Variants in BTN3A2 observed in about 807,000 individuals in gnomAD.
The protein encoded by BTN3A2 is butyrophilin protein.
In BTN3A2, 25 loss-of-function variants were observed where a neutral mutation model predicts 37.6. That is an observed-to-expected ratio of 0.66 (90% confidence interval 0.48 to 0.93). The LOEUF is 0.93. BTN3A2 is among the 40% of genes least tolerant of loss of function. The pLI, the probability that BTN3A2 is intolerant of heterozygous loss-of-function variation, is 0.00. For synonymous variants in BTN3A2, 122 were observed against 159.4 expected, an observed-to-expected ratio of 0.77 and a Z score of 1.77; for missense variants, 266 against 410.9, an observed-to-expected ratio of 0.65 and a Z score of 3.05.
intron 8 of BTN3A2, 168 bp from the exon 9 acceptor site, chr6:26,374,158 GA>G: frequency 2.0e-6 from 1 of 504,430 alleles, no homozygotes; most frequent in Non-Finnish European, 3.3e-6. Flanking sequence ...GGTGAAGAAA[GA>G]ATTGTACCTG....
intron 8 of BTN3A2, 86 bp from the exon 9 acceptor site, chr6:26,374,231 AAAAAAAAAAG>A: frequency 2.0e-6 from 1 of 495,458 alleles, no homozygotes; most frequent in East Asian, 3.8e-5. Flanking sequence ...AAAAAAAAAA[AAAAAAAAAAG>A]ACTAGATGGA....
At position 26,374,468 on chromosome 6, in the gene BTN3A2, A is replaced by G. The variant is rs1344336509; in HGVS notation, c.*6+95A>G. On this transcript the variant is annotated intron_variant, in intron 9 of 10. Transcript: ENST00000377708. ...GCTGGATTAATTAGATCTAATCTAA[A>G]GACTCAATTTCTGTGTGGTGGGGGT... 6.6e-6 allele frequency: 9 copies of G among 1,358,582 alleles called. No individual in the cohort carries two copies. In the African/African-American group the frequency reaches 1.1e-4, roughly 17 times the overall value. The allele number at this position is 1,358,582 out of a possible 1,614,324, so 84.2% of individuals were successfully genotyped here. A position where few individuals can be genotyped will look rare whatever the true frequency, so the allele number is the denominator to read the frequency against.
At chr6:26,375,616 A>G (rs532887522) in intron 10 of BTN3A2, 181 bp from the exon 11 acceptor site, 13 of 1,497,300 alleles carry the variant, frequency 8.7e-6, no homozygotes, top group Non-Finnish European at 1.2e-5. Context: ...AGGGTGGAGA[A>G]AGCTGAAGGC....
chr6:26,366,474 T>C (rs1762072110), intron 1 of BTN3A2, among the ~76,000 whole-genome samples: 1 of 152,246 alleles, frequency 6.6e-6, no homozygotes, highest in Admixed American at 6.5e-5. Flanking sequence ...TATTCCTTTA[T>C]ATTTTTTTCT....
intron 5 of BTN3A2, 86 bp from the exon 6 acceptor site, chr6:26,372,811 G>C: frequency 6.5e-7 from 1 of 1,528,838 alleles, no homozygotes; most frequent in Non-Finnish European, 9.0e-7. Flanking sequence ...CCCCCGACCT[G>C]AGCTGAGCAG....
At chr6:26,373,559 G>T in intron 8 of BTN3A2, 146 bp downstream of exon 8, 1 of 531,012 alleles carries the variant, frequency 1.9e-6, no homozygotes. Context: ...TGGCTCTTTG[G>T]AGAAACCACC....
chr6:26,370,993 G>T (rs1760054786), intron 5 of BTN3A2, among the ~76,000 whole-genome samples: 2 of 152,160 alleles, frequency 1.3e-5, no homozygotes, highest in African/African-American at 2.4e-5. Flanking sequence ...GGCCAGGCAT[G>T]GTGGCTCACG....
At chr6:26,371,636 G>A (rs1377118364) in intron 5 of BTN3A2, among the ~76,000 whole-genome samples, 1 of 151,658 alleles carries the variant, frequency 6.6e-6, no homozygotes, top group Non-Finnish European at 1.5e-5. Flanking sequence ...GCTTGCATTT[G>A]TATGAGATGA....
At chr6:26,372,119 T>C (rs892210440) in intron 5 of BTN3A2, among the ~76,000 whole-genome samples, 1 of 152,160 alleles carries the variant, frequency 6.6e-6, no homozygotes, top group Non-Finnish European at 1.5e-5. Flanking sequence ...TATACTAATA[T>C]GGAAAGATCT....
Position 26,376,393 on chromosome 6 carries a change from TG to T in BTN3A2, c.*633del. The T allele has an allele frequency of 2.4e-6, 1 of 415,542 alleles. No individual in the cohort carries two copies. The highest frequency in any genetic ancestry group is 4.0e-6 in the Non-Finnish European group (1 of 247,784). The allele number at this position is 415,542 out of a possible 1,614,324, so 25.7% of individuals were successfully genotyped here. Reference sequence around the variant, plus strand: ...ACTGACCTTACTTTCATTTCCCCTCTGGTCACTAGACCCCTGGGGCTTTCAC... The same window carrying T: ...ACTGACCTTACTTTCATTTCCCCTCTGTCACTAGACCCCTGGGGCTTTCAC... On this transcript the variant is annotated 3_prime_UTR_variant, in exon 11 of 11. Coordinates refer to ENST00000377708, the MANE Select transcript of BTN3A2 (RefSeq NM_007047.5).
chr6:26,374,367 A>G lies in BTN3A2; in HGVS notation c.1005A>G (p.Ter335TrpextTer25). The G allele has an allele frequency of 1.9e-6, 3 of 1,613,840 alleles. No homozygotes were observed. The highest frequency in any genetic ancestry group is 2.5e-6 in the Non-Finnish European group (3 of 1,179,808). The change falls in exon 9 of 11, where the codon TGA becomes TGG. Residue 335 changes from the stop codon to tryptophan, a stop_lost. Coordinates refer to ENST00000377708, the MANE Select transcript of BTN3A2 (RefSeq NM_007047.5). ...ESSSDTNKSA* is the reference protein window; with the variant it reads ...ESSSDTNKSAW ...CGTCCGATACCAATAAGTCAGCCTG[A>G]TGCTCTGTAAGTTTGCTGGGTCACA... is the stretch of plus-strand genomic sequence containing the variant.
At position 26,375,785 on chromosome 6, in the gene BTN3A2, C is replaced by A. The variant is rs1394163153; in HGVS notation, c.*35-12C>A. The A allele has an allele frequency of 4.5e-6, 7 of 1,550,030 alleles. No individual in the cohort carries two copies. The highest frequency in any genetic ancestry group is 6.1e-6 in the Non-Finnish European group (7 of 1,146,490). Reference sequence around the variant, plus strand: ...AGCGCTAGAGATTCATATGTTTATCCCCATTTTTCAGGTGAGGAAATGCTT... The same window carrying A: ...AGCGCTAGAGATTCATATGTTTATCACCATTTTTCAGGTGAGGAAATGCTT... On this transcript the variant is annotated splice_polypyrimidine_tract_variant and intron_variant, in intron 10 of 10. Transcript: ENST00000377708.
In BTN3A2 at chr6:26,370,504, G is replaced by T; in HGVS notation, c.616G>T (p.Ala206Ser). ...TGGAGTGGGCCTATATGAAGTAGCA[G>T]CATCTGTGATCATGAGAGGCGGCTC... is the stretch of plus-strand genomic sequence containing the variant. The part of the protein sequence containing the change: ...ADGVGLYEVA[A>S]SVIMRGGSGE... The change falls in exon 5 of 11, where the codon GCA becomes TCA. Residue 206 changes from alanine (A) to serine (S), a missense_variant. By Grantham distance (99) the Ala-to-Ser change is moderately conservative. Coordinates refer to ENST00000377708, the MANE Select transcript of BTN3A2 (RefSeq NM_007047.5). 6.2e-7 allele frequency: 1 copy of T among 1,614,228 alleles called. No homozygotes were observed. Among genetic ancestry groups the T allele is most frequent in the Non-Finnish European group, 8.5e-7 (1 of 1,180,038 alleles).
At chr6:26,370,166 A>C (rs1440483345) in intron 4 of BTN3A2, among the ~76,000 whole-genome samples, 156 bp from the exon 5 acceptor site, 3 of 152,124 alleles carry the variant, frequency 2.0e-5, no homozygotes, top group African/African-American at 7.2e-5. Flanking sequence ...TGCACTAGCA[A>C]ATTTAGTTTT....
chr6:26,369,405 T>A (rs1759871533), intron 4 of BTN3A2, among the ~76,000 whole-genome samples: 1 of 152,148 alleles, frequency 6.6e-6, no homozygotes. Flanking sequence ...ACACACATCA[T>A]GGGGAGCTGT....
At chr6:26,365,437 C>T in intron 1 of BTN3A2, 85 bp downstream of exon 1, 2 of 1,449,408 alleles carry the variant, frequency 1.4e-6, no homozygotes, top group Non-Finnish European at 1.9e-6. Flanking sequence ...AGTGGGCATG[C>T]AGGGAGAGTA....
intron 9 of BTN3A2, 180 bp from the exon 10 acceptor site, chr6:26,374,591 G>T (rs939039994): frequency 2.3e-6 from 2 of 871,912 alleles, no homozygotes; most frequent in Non-Finnish European, 3.5e-6. Context: ...GACACAGGGA[G>T]CCAAGCCTGA....
Position 26,374,782 on chromosome 6 carries a change from G to A in BTN3A2, c.*18G>A, listed in dbSNP as rs1760543703. On this transcript the variant is annotated 3_prime_UTR_variant, in exon 10 of 11. Coordinates refer to ENST00000377708, the MANE Select transcript of BTN3A2 (RefSeq NM_007047.5). ...CTCCTTCCTTTCAGAATGGAAAAATGGCCCTCTTCAAGCCTGGTGAGTAAA... is the reference window on the plus strand; with the variant it reads ...CTCCTTCCTTTCAGAATGGAAAAATAGCCCTCTTCAAGCCTGGTGAGTAAA... 3 of 1,532,742 alleles carry A rather than the reference G, an allele frequency of 2.0e-6. No individual in the cohort carries two copies. The East Asian group carries it at 6.8e-5, about 35-fold the overall frequency. The allele number at this position is 1,532,742 out of a possible 1,614,324, so 94.9% of individuals were successfully genotyped here. A position where few individuals can be genotyped will look rare whatever the true frequency, so the allele number is the denominator to read the frequency against.
rs1183357981 is a variant in BTN3A2 at position 26,376,799 on chromosome 6, C to G, written c.*1037C>G. The G allele has an allele frequency of 6.2e-7, 1 of 1,612,978 alleles. No homozygotes were observed. Among genetic ancestry groups the G allele is most frequent in the African/African-American group, 1.3e-5 (1 of 74,844 alleles). ...GGCATATTGGGGTATGTAGTAAGAA[C>G]GTGGAGAGGAAAAAAGTTTGGGTCA... is the stretch of plus-strand genomic sequence containing the variant. On this transcript the variant is annotated 3_prime_UTR_variant, in exon 11 of 11. Coordinates refer to ENST00000377708, the MANE Select transcript of BTN3A2 (RefSeq NM_007047.5).
Sources: gnomAD v4.1 joint callset for allele counts (sites outside exome capture counted in the v4.1 genomes callset) on GRCh38, gnomAD v4.1.1 for gene constraint, MANE v1.5 for transcripts, NCBI Gene and HGNC (gene_info 2026-07-23, HGNC 2026-07-21) for gene names.